CPS1: variants seen among roughly 807,000 people sequenced by gnomAD.
CPS1 encodes the protein carbamoyl-phosphate synthase 1.
In CPS1, 109 loss-of-function variants were observed where a neutral mutation model predicts 174.6. The observed-to-expected ratio is 0.62, with a 90% CI of 0.53 to 0.73. CPS1 has a LOEUF of 0.73. Ranked by LOEUF, CPS1 falls within the 30% of genes least tolerant of loss-of-function variation. The pLI is 0.00. For synonymous variants in CPS1, 637 were observed against 632.0 expected, an observed-to-expected ratio of 1.01 and a Z score of -0.12; for missense variants, 1,689 against 1,821.9, an observed-to-expected ratio of 0.93 and a Z score of 1.33.
At chr2:210,530,087 T>G (rs1308655825) in intron 1 of CPS1, among the ~76,000 whole-genome samples, 8 of 152,034 alleles carry the variant, frequency 5.3e-5, no homozygotes, top group Non-Finnish European at 1.0e-4. Flanking sequence ...ACTTTATAAT[T>G]ATTTCCATTG....
chr2:210,664,644 G>A lies in CPS1; in HGVS notation c.4002+1447G>A, dbSNP rs114159907. Among the ~76,000 whole-genome samples the A allele has an allele frequency of 6.3e-3, 960 of 152,168 alleles. 13 individuals are homozygous for A. The highest frequency in any genetic ancestry group is 0.022 in the African/African-American group (908 of 41,508). On this transcript the variant is annotated intron_variant, in intron 33 of 37. Transcript: ENST00000233072. Reference sequence around the variant, plus strand: ...CTGTTTTCTTTAGCATGGCAAATTTGTTTTCAGTGGTTATGTTCATTCTGC... The same window carrying A: ...CTGTTTTCTTTAGCATGGCAAATTTATTTTCAGTGGTTATGTTCATTCTGC...
chr2:210,648,106 T>C, intron 26 of CPS1, 49 bp downstream of exon 26: 1 of 1,568,458 alleles, frequency 6.4e-7, no homozygotes, highest in South Asian at 1.1e-5. Flanking sequence ...TTTGAAGAGC[T>C]GCAACCTGAA....
At chr2:210,543,109 AG>A (rs1298149627) in intron 1 of CPS1, among the ~76,000 whole-genome samples, 3 of 152,078 alleles carry the variant, frequency 2.0e-5, no homozygotes, top group Non-Finnish European at 2.9e-5. Context: ...TGGCTGGGAG[AG>A]GGGGGCACTA....
intron 3 of CPS1, 91 bp downstream of exon 3, chr2:210,576,581 T>A: frequency 7.5e-7 from 1 of 1,331,236 alleles, no homozygotes; most frequent in Non-Finnish European, 1.1e-6. Flanking sequence ...ACTTTCTTCC[T>A]CAATACGGTA....
At chr2:210,643,014 T>C (rs1700276356) in intron 25 of CPS1, among the ~76,000 whole-genome samples, 1 of 152,224 alleles carries the variant, frequency 6.6e-6, no homozygotes, top group African/African-American at 2.4e-5. Flanking sequence ...AGTGATTGAA[T>C]TGGTCATCTA....
intron 1 of CPS1, among the ~76,000 whole-genome samples, chr2:210,534,552 G>T (rs772950709): frequency 7.2e-5 from 11 of 152,090 alleles, no homozygotes; most frequent in Non-Finnish European, 1.2e-4. Context: ...TATCTTAGAA[G>T]GAATAAGCAG....
chr2:210,648,619 C>CCCTAGTGCTAT, intron 27 of CPS1, 79 bp downstream of exon 27: 3 of 1,092,854 alleles, frequency 2.7e-6, no homozygotes, highest in Non-Finnish European at 4.2e-6. Context: ...GCTAATAGCA[C>CCCTAGTGCTAT]TAGGGTTCTA....
Position 210,642,634 on chromosome 2 carries a change from T to G in CPS1, c.3110T>G (p.Leu1037Trp). 6.2e-7 allele frequency: 1 copy of G among 1,614,032 alleles called. No homozygotes were observed. The highest frequency in any genetic ancestry group is 8.5e-7 in the Non-Finnish European group (1 of 1,179,982). Residue 1037 changes from leucine (L) to tryptophan (W), a missense_variant, in exon 25 of 38, where the codon TTG (leucine) becomes TGG (tryptophan). Physicochemically the swap from Leu to Trp is moderately conservative, Grantham distance 61. Coordinates refer to ENST00000233072, the MANE Select transcript of CPS1 (RefSeq NM_001875.5). ...CDKLYFEELS[L>W]ERILDIYHQE... ...AAACTGTACTTTGAAGAGTTGTCCT[T>G]GGAGAGAATCCTAGACATCTACCAT...
chr2:210,624,509 AT>A (rs1699638057), intron 21 of CPS1, among the ~76,000 whole-genome samples: 1 of 152,056 alleles, frequency 6.6e-6, no homozygotes, highest in South Asian at 2.1e-4. Context: ...ACCATGGGAA[AT>A]TTTATAACTC....
In CPS1 at chr2:210,665,307, TTTTTTTTTC is replaced by T. The variant is rs991714445; in HGVS notation, c.4002+2126_4002+2134del. ...AGAAATGAATTTAGCCATCAGTGGT[TTTTTTTTTC>T]TTTTTTTTCTTTTTTATTATTATTA... On this transcript the variant is annotated intron_variant, in intron 33 of 37. Transcript: ENST00000233072. Among the ~76,000 whole-genome samples the T allele has an allele frequency of 2.8e-4, 42 of 150,398 alleles. No homozygotes were observed. In the South Asian group the frequency reaches 3.1e-3, roughly 11 times the overall value.
intron 1 of CPS1, among the ~76,000 whole-genome samples, chr2:210,542,876 A>G (rs573119255): frequency 3.9e-4 from 60 of 152,170 alleles, no homozygotes; most frequent in Admixed American, 1.2e-3. Flanking sequence ...TTCTACCTCC[A>G]TCACTTGAGT....
At chr2:210,483,614 C>T (rs1458700458) in intron 1 of CPS1, among the ~76,000 whole-genome samples, 18 of 152,116 alleles carry the variant, frequency 1.2e-4, no homozygotes, top group Admixed American at 1.2e-3. Flanking sequence ...TTTTATGCTG[C>T]CTTGACTATA....
At chr2:210,528,430 G>A (rs1401098119) in intron 1 of CPS1, among the ~76,000 whole-genome samples, 4 of 151,884 alleles carry the variant, frequency 2.6e-5, no homozygotes, top group Admixed American at 6.6e-5. Context: ...CTCTCATTAT[G>A]TATTGATTTA....
intron 1 of CPS1, among the ~76,000 whole-genome samples, chr2:210,505,540 G>A (rs1008252375): frequency 6.6e-6 from 1 of 152,028 alleles, no homozygotes; most frequent in East Asian, 2.0e-4. Flanking sequence ...CAGACAGTGG[G>A]TGCAGGACAG....
At position 210,659,812 on chromosome 2, in the gene CPS1, G is replaced by A. The variant is rs1215613283; in HGVS notation, c.3757-673G>A. ...ATTGGAATTATAGAGCAGAGAGAAC[G>A]TATTTGCCAGTGTGTGTGCATGAGC... On this transcript the variant is annotated intron_variant, in intron 31 of 37. Coordinates refer to ENST00000233072, the MANE Select transcript of CPS1 (RefSeq NM_001875.5). Among the ~76,000 whole-genome samples the A allele has an allele frequency of 5.9e-5, 9 of 152,282 alleles. No homozygotes were observed. The South Asian group carries it at 1.7e-3, about 28-fold the overall frequency.
rs1699734381 is a variant in CPS1, at chr2:210,627,605, A to ATGC, written c.2688-10097_2688-10096insTGC. 3.9e-5 allele frequency among the ~76,000 whole-genome samples: 6 copies of ATGC among 152,296 alleles called. No individual in the cohort carries two copies. The South Asian group carries it at 1.2e-3, about 32-fold the overall frequency. On this transcript the variant is annotated intron_variant, in intron 21 of 37. Transcript: ENST00000233072. ...AGAGTCATGCACTTCGTATCCAAAG[A>ATGC]CTATAAGGCAGCGACCATGCCTCCT...
rs571189660 is a variant in CPS1, at chr2:210,637,747, G to A, written c.2733G>A (p.Gly911=). The change falls in exon 22 of 38, where the codon GGG becomes GGA. Residue 911 remains glycine, a synonymous_variant. Transcript: ENST00000233072. ...EETLKRAKEI[G]FSDKQISKCL... ...CCCTGAAAAGGGCAAAGGAGATTGG[G>A]TTCTCAGATAAGCAGATTTCAAAAT... 2.1e-5 allele frequency: 34 copies of A among 1,614,006 alleles called. No individual in the cohort carries two copies. The East Asian group carries it at 7.6e-4, about 36-fold the overall frequency.
chr2:210,572,438 C>T (rs563486689), intron 1 of CPS1, among the ~76,000 whole-genome samples: 4 of 152,036 alleles, frequency 2.6e-5, no homozygotes, highest in African/African-American at 9.6e-5. Flanking sequence ...ATTTCTCTCT[C>T]CCTTGAATTT....
intron 1 of CPS1, among the ~76,000 whole-genome samples, chr2:210,484,537 A>G (rs7603241): frequency 0.41 from 61,798 of 151,904 alleles, 14,181 homozygotes; most frequent in Non-Finnish European, 0.53. Flanking sequence ...AGACATTTAC[A>G]TTTGTCTTAT....
Sources: allele counts gnomAD v4.1 joint callset (sites outside exome capture counted in the v4.1 genomes callset), GRCh38; gene constraint gnomAD v4.1.1; transcripts MANE v1.5; gene names NCBI Gene and HGNC (gene_info 2026-07-23, HGNC 2026-07-21).